IKZF3: variants seen among roughly 807,000 people sequenced by gnomAD.
IKZF3 encodes the protein IKAROS family zinc finger 3.
Under a neutral mutation model 49.0 loss-of-function variants are expected in IKZF3, and 10 were observed. The observed-to-expected ratio is 0.20, with a 90% CI of 0.13 to 0.35. The LOEUF (loss-of-function observed/expected upper bound fraction) is 0.35, where lower values mean the gene tolerates loss of function less well. IKZF3 is among the 10% of genes least tolerant of loss of function. The pLI, the probability that IKZF3 is intolerant of heterozygous loss-of-function variation, is 1.00. For synonymous variants in IKZF3, 209 were observed against 228.2 expected (o/e 0.92, Z 0.76); for missense variants, 498 against 664.8 (o/e 0.75, Z 2.76).
intron 7 of IKZF3, among the ~76,000 whole-genome samples, chr17:39,772,629 G>A (rs2060473471): frequency 6.6e-6 from 1 of 152,168 alleles, no homozygotes; most frequent in African/African-American, 2.4e-5. Context: ...GAGCTGTGGG[G>A]GTGGCACTGG....
chr17:39,805,956 T>C (rs754314565), intron 3 of IKZF3, among the ~76,000 whole-genome samples: 6 of 152,216 alleles, frequency 3.9e-5, no homozygotes. Context: ...ATTGGATGGG[T>C]ATTGGTAATT....
Position 39,856,024 on chromosome 17 carries a change from T to TATGTACAATATAACATGTATATTGTAC in IKZF3, c.7+8095_7+8096insGTACAATATACATGTTATATTGTACAT, listed in dbSNP as rs1568073527. On this transcript the variant is annotated intron_variant, in intron 1 of 7. Transcript: ENST00000346872. ...TGTACAATATAACATGTATATTGTATATGTACAATATAACATGTATATTGT... is the reference window on the plus strand; with the variant it reads ...TGTACAATATAACATGTATATTGTATATGTACAATATAACATGTATATTGTACATGTACAATATAACATGTATATTGT... Among the ~76,000 whole-genome samples, 26 of 133,924 alleles carry TATGTACAATATAACATGTATATTGTAC rather than the reference T, an allele frequency of 1.9e-4. 1 individual carries two copies. The East Asian group carries it at 4.3e-3, about 22-fold the overall frequency. The allele number at this position is 133,924 out of a possible 152,430, so 87.9% of individuals were successfully genotyped here. A position where few individuals can be genotyped will look rare whatever the true frequency, so the allele number is the denominator to read the frequency against.
chr17:39,816,591 T>G (rs1894966535), intron 3 of IKZF3, among the ~76,000 whole-genome samples: 1 of 152,266 alleles, frequency 6.6e-6, no homozygotes, highest in South Asian at 2.1e-4. Flanking sequence ...ATTTACTATC[T>G]GGTCCTTTAC....
intron 3 of IKZF3, among the ~76,000 whole-genome samples, chr17:39,812,300 C>T (rs932559764): frequency 2.6e-5 from 4 of 152,032 alleles, no homozygotes. Context: ...AACAGAACAC[C>T]CAAAACCCAA....
intron 3 of IKZF3, among the ~76,000 whole-genome samples, chr17:39,822,189 G>A (rs1568021819): frequency 6.6e-6 from 1 of 152,202 alleles, no homozygotes; most frequent in Non-Finnish European, 1.5e-5. Flanking sequence ...TGCAAGCCAT[G>A]TGGAACTGGC....
chr17:39,766,564 A>G lies in IKZF3; in HGVS notation c.827-71T>C, dbSNP rs533833770. ...CAGAGAGTTTGTAAATATTTTCTAG[A>G]GACCTCAAAAAGGGAGGAGAGTTAA... On this transcript the variant is annotated intron_variant, in intron 7 of 7. Transcript: ENST00000346872. 48 of 1,324,334 alleles carry G rather than the reference A, an allele frequency of 3.6e-5. No individual in the cohort carries two copies. The East Asian group carries it at 1.0e-3, about 29-fold the overall frequency. 82.0% of individuals were successfully genotyped at this position (1,324,334 alleles called of 1,614,324 possible).
intron 6 of IKZF3, among the ~76,000 whole-genome samples, chr17:39,784,050 T>G (rs1331680064): frequency 6.6e-6 from 1 of 152,266 alleles, no homozygotes; most frequent in Non-Finnish European, 1.5e-5. Context: ...GAAGCCCTCA[T>G]GCTTGTATTA....
intron 6 of IKZF3, among the ~76,000 whole-genome samples, chr17:39,782,452 A>G (rs997092611): frequency 2.6e-5 from 4 of 152,068 alleles, no homozygotes; most frequent in African/African-American, 9.7e-5. Flanking sequence ...ACACAAAGAA[A>G]TGCTTTGTAA....
intron 1 of IKZF3, among the ~76,000 whole-genome samples, chr17:39,854,798 G>A (rs1283110049): frequency 6.6e-6 from 1 of 152,038 alleles, no homozygotes; most frequent in Non-Finnish European, 1.5e-5. Flanking sequence ...GGGAGTGAGG[G>A]AAAGCAATGC....
intron 3 of IKZF3, among the ~76,000 whole-genome samples, chr17:39,820,984 G>T (rs1048204524): frequency 1.3e-5 from 2 of 152,142 alleles, no homozygotes; most frequent in Non-Finnish European, 2.9e-5. Flanking sequence ...CTTGCTCTAT[G>T]CCTCCCTTCC....
At position 39,789,725 on chromosome 17, in the gene IKZF3, C is replaced by CACAA. The variant is rs1567981631; in HGVS notation, c.593-1352_593-1351insTTGT. On this transcript the variant is annotated intron_variant, in intron 5 of 7. Transcript: ENST00000346872. Reference sequence around the variant, plus strand: ...CCTGGGTGACAGAGTGAGACACCATCTCAAACAAACAAACAAACAAACAAA... The same window carrying CACAA: ...CCTGGGTGACAGAGTGAGACACCATCACAATCAAACAAACAAACAAACAAACAAA... 7.2e-3 allele frequency among the ~76,000 whole-genome samples: 1,021 copies of CACAA among 142,084 alleles called. 14 individuals carry two copies. The highest frequency in any genetic ancestry group is 0.028 in the African/African-American group (972 of 34,266). 93.2% of individuals were successfully genotyped at this position (142,084 alleles called of 152,430 possible).
intron 1 of IKZF3, among the ~76,000 whole-genome samples, chr17:39,848,571 A>G (rs1280572095): frequency 6.6e-6 from 1 of 152,256 alleles, no homozygotes; most frequent in East Asian, 1.9e-4. Flanking sequence ...GGAGCCAAAA[A>G]TAGAATCATT....
At chr17:39,802,039 G>A (rs1435709494) in intron 3 of IKZF3, among the ~76,000 whole-genome samples, 1 of 151,590 alleles carries the variant, frequency 6.6e-6, no homozygotes, top group East Asian at 1.9e-4. Context: ...ATCAAGACAT[G>A]GTGAAACCCT....
At chr17:39,797,425 CTTTT>C (rs35588873) in intron 3 of IKZF3, among the ~76,000 whole-genome samples, 1 of 137,488 alleles carries the variant, frequency 7.3e-6, no homozygotes. Flanking sequence ...TTCTTTCTTT[CTTTT>C]TTTTTTTTTT....
At position 39,832,217 on chromosome 17, in the gene IKZF3, A is replaced by G. The variant is rs187289154; in HGVS notation, c.8-66T>C. ...CATTTCTACAGGTTTGAGCATTCCAAATTTAATAAGGGATACCATTTCGGA... is the reference window on the plus strand; with the variant it reads ...CATTTCTACAGGTTTGAGCATTCCAGATTTAATAAGGGATACCATTTCGGA... On this transcript the variant is annotated intron_variant, in intron 1 of 7. Coordinates refer to ENST00000346872, the MANE Select transcript of IKZF3 (RefSeq NM_012481.5). 1.4e-3 allele frequency: 1,653 copies of G among 1,189,078 alleles called. 27 individuals are homozygous for G. In the Admixed American group the frequency reaches 0.03, roughly 21 times the overall value. 73.7% of individuals were successfully genotyped at this position (1,189,078 alleles called of 1,614,324 possible).
intron 3 of IKZF3, among the ~76,000 whole-genome samples, chr17:39,822,110 G>A (rs899521564): frequency 6.6e-6 from 1 of 152,102 alleles, no homozygotes; most frequent in Non-Finnish European, 1.5e-5. Flanking sequence ...CCTGAGAAAG[G>A]GAACTATCTG....
intron 1 of IKZF3, chr17:39,835,727 C>T (rs533722857): frequency 3.9e-5 from 20 of 506,456 alleles, no homozygotes; most frequent in African/African-American, 3.9e-4. Flanking sequence ...CTTCATACAG[C>T]TGCCTGAGGA....
intron 1 of IKZF3, among the ~76,000 whole-genome samples, chr17:39,842,060 C>CAAAAAAAAAAAAAAAAA (rs1491414621): frequency 4.9e-5 from 1 of 20,318 alleles, no homozygotes; most frequent in Non-Finnish European, 9.2e-5. Flanking sequence ...AAAAAAAAAA[C>CAAAAAAAAAAAAAAAAA]CAGATAAAAT....
At chr17:39,784,462 G>T (rs560326528) in intron 6 of IKZF3, among the ~76,000 whole-genome samples, 2 of 151,280 alleles carry the variant, frequency 1.3e-5, no homozygotes, top group Non-Finnish European at 2.9e-5. Flanking sequence ...AGAGTACAGC[G>T]GCATGATCTC....
Sources: gnomAD v4.1 joint callset for allele counts (sites outside exome capture counted in the v4.1 genomes callset) on GRCh38, gnomAD v4.1.1 for gene constraint, MANE v1.5 for transcripts, NCBI Gene and HGNC (gene_info 2026-07-23, HGNC 2026-07-21) for gene names.